The following TNFSF4 variants were observed in gnomAD, a reference collection of about 807,000 sequenced individuals.
TNFSF4 encodes tumor necrosis factor ligand superfamily member 4.
TNFSF4 carries 4 observed loss-of-function variants against 7.3 expected under a neutral mutation model. The observed-to-expected ratio is 0.55, with a 90% CI of 0.27 to 1.25. The LOEUF (loss-of-function observed/expected upper bound fraction) is 1.25, where lower values mean the gene tolerates loss of function less well. Ranked by LOEUF, TNFSF4 falls within the 50% of genes most tolerant of loss-of-function variation. The probability of loss-of-function intolerance (pLI) is 0.12; values close to 1 mark genes in which losing one functional copy is unlikely to be tolerated. For synonymous variants in TNFSF4, 76 were observed against 83.7 expected, an observed-to-expected ratio of 0.91 and a Z score of 0.50; for missense variants, 181 against 208.8, an observed-to-expected ratio of 0.87 and a Z score of 0.82.
the TNFSF4 span, among the ~76,000 whole-genome samples, chr1:173,313,984 T>A: frequency 6.6e-6 from 1 of 152,128 alleles, no homozygotes; most frequent in Non-Finnish European, 1.5e-5. Flanking sequence ...TTTTCCCTTA[T>A]GTATAATCAT....
chr1:173,206,430 G>A (rs568631677), intron 1 of TNFSF4, among the ~76,000 whole-genome samples: 87 of 152,156 alleles, frequency 5.7e-4, no homozygotes, highest in Non-Finnish European at 8.8e-4. Flanking sequence ...AAGGTGAAAT[G>A]ATGTCTTTAA....
the TNFSF4 span, among the ~76,000 whole-genome samples, chr1:173,232,759 G>A: frequency 6.6e-6 from 1 of 152,116 alleles, no homozygotes; most frequent in Non-Finnish European, 1.5e-5. Context: ...CTGTTTATAT[G>A]CTGGATTACA....
the TNFSF4 span, among the ~76,000 whole-genome samples, chr1:173,442,546 T>G: frequency 1.0e-4 from 8 of 80,120 alleles, no homozygotes; most frequent in South Asian, 3.9e-4. Flanking sequence ...TTCGTTTTTG[T>G]TTTTGTTTTT....
At chr1:173,346,930 C>T in the TNFSF4 span, among the ~76,000 whole-genome samples, 1 of 152,222 alleles carries the variant, frequency 6.6e-6, no homozygotes, top group Non-Finnish European at 1.5e-5. Context: ...CACACATGTA[C>T]TCAAGATAAA....
At chr1:173,212,783 A>T in the TNFSF4 span, among the ~76,000 whole-genome samples, 1 of 152,070 alleles carries the variant, frequency 6.6e-6, no homozygotes, top group Non-Finnish European at 1.5e-5. Flanking sequence ...CTGTATCAAA[A>T]TATCTTACAT....
the TNFSF4 span, among the ~76,000 whole-genome samples, chr1:173,308,723 C>A: frequency 6.6e-6 from 1 of 151,884 alleles, no homozygotes; most frequent in Non-Finnish European, 1.5e-5. Flanking sequence ...TATCTGGGGG[C>A]TCAGCTGGAA....
At chr1:173,347,257 T>G in the TNFSF4 span, among the ~76,000 whole-genome samples, 3 of 152,248 alleles carry the variant, frequency 2.0e-5, no homozygotes, top group South Asian at 2.1e-4. Context: ...GCAGACATCT[T>G]ATTTAGCTTT....
the TNFSF4 span, among the ~76,000 whole-genome samples, chr1:173,355,231 C>A: frequency 6.6e-6 from 1 of 152,312 alleles, no homozygotes; most frequent in South Asian, 2.1e-4. Flanking sequence ...ATTGGGCCGA[C>A]CTGGATGGAT....
downstream of TNFSF4, among the ~76,000 whole-genome samples, chr1:173,181,211 T>G (rs11807031): frequency 5.1e-4 from 77 of 152,214 alleles, no homozygotes; most frequent in South Asian, 1.0e-3. Flanking sequence ...TGAAATGACC[T>G]TTAGAGATTA....
the TNFSF4 span, among the ~76,000 whole-genome samples, chr1:173,321,740 G>T: frequency 6.6e-6 from 1 of 152,156 alleles, no homozygotes; most frequent in East Asian, 1.9e-4. Context: ...GGTCATTAGA[G>T]AAATGCAAAT....
At chr1:173,281,778 C>T in the TNFSF4 span, among the ~76,000 whole-genome samples, 1 of 152,124 alleles carries the variant, frequency 6.6e-6, no homozygotes, top group East Asian at 1.9e-4. Flanking sequence ...GAGACATTTG[C>T]TAAATGCTTT....
chr1:173,360,579 C>A, the TNFSF4 span, among the ~76,000 whole-genome samples: 2 of 152,136 alleles, frequency 1.3e-5, no homozygotes, highest in Non-Finnish European at 2.9e-5. Flanking sequence ...ATGACCTTGG[C>A]TTTTACTGTT....
the TNFSF4 span, among the ~76,000 whole-genome samples, chr1:173,173,723 T>C: frequency 2.6e-5 from 4 of 152,238 alleles, no homozygotes; most frequent in Non-Finnish European, 5.9e-5. Context: ...TTGGCCCTGT[T>C]TGGCCATGGC....
the TNFSF4 span, among the ~76,000 whole-genome samples, chr1:173,235,315 A>C: frequency 6.6e-6 from 1 of 152,166 alleles, no homozygotes; most frequent in African/African-American, 2.4e-5. Flanking sequence ...CTCAGAGAAA[A>C]AAGGGGGACC....
At chr1:173,414,981 T>C in the TNFSF4 span, among the ~76,000 whole-genome samples, 7 of 152,344 alleles carry the variant, frequency 4.6e-5, no homozygotes, top group African/African-American at 1.7e-4. Flanking sequence ...TTTACTGAGA[T>C]TCTCTCACCC....
chr1:173,246,344 C>T, the TNFSF4 span, among the ~76,000 whole-genome samples: 2 of 152,198 alleles, frequency 1.3e-5, no homozygotes, highest in African/African-American at 4.8e-5. Flanking sequence ...GTGTGTCATT[C>T]CCCTCCCTGT....
the TNFSF4 span, among the ~76,000 whole-genome samples, chr1:173,300,719 A>G: frequency 6.6e-6 from 1 of 151,876 alleles, no homozygotes; most frequent in Non-Finnish European, 1.5e-5. Flanking sequence ...AGAATGAGTA[A>G]ACATTCAATC....
At chr1:173,433,117 A>G in the TNFSF4 span, among the ~76,000 whole-genome samples, 1 of 152,202 alleles carries the variant, frequency 6.6e-6, no homozygotes, top group Non-Finnish European at 1.5e-5. Flanking sequence ...AAAATAAGCA[A>G]ACAAGATGTC....
the TNFSF4 span, among the ~76,000 whole-genome samples, chr1:173,316,818 G>A: frequency 2.6e-5 from 4 of 152,008 alleles, no homozygotes; most frequent in Non-Finnish European, 5.9e-5. Flanking sequence ...ACATGTAATT[G>A]TTGTACTAGA....
Sources: allele counts gnomAD v4.1 joint callset (sites outside exome capture counted in the v4.1 genomes callset), GRCh38; gene constraint gnomAD v4.1.1; transcripts MANE v1.5; gene names NCBI Gene and HGNC (gene_info 2026-07-23, HGNC 2026-07-21).